The following EVL variants were observed in gnomAD, a reference collection of about 807,000 sequenced individuals.
The protein encoded by EVL is Enah/Vasp-like.
A neutral mutation model predicts 59.6 loss-of-function variants in EVL; 21 were observed. The observed-to-expected ratio is 0.35, with a 90% CI of 0.25 to 0.51. The LOEUF is 0.51. Among genes scored for constraint, EVL ranks in the 20% least tolerant of loss-of-function variants. The probability of loss-of-function intolerance (pLI) is 0.97; values close to 1 mark genes in which losing one functional copy is unlikely to be tolerated. For missense variants in EVL, 462 were observed against 546.6 expected, an observed-to-expected ratio of 0.85 and a Z score of 1.54; for synonymous variants, 198 against 203.5, an observed-to-expected ratio of 0.97 and a Z score of 0.23.
intron 1 of EVL, among the ~76,000 whole-genome samples, chr14:100,000,952 G>A (rs1383843525): frequency 6.6e-6 from 1 of 151,992 alleles, no homozygotes; most frequent in Non-Finnish European, 1.5e-5. Context: ...AGACAGGTAG[G>A]TCCTGAGTTA....
At chr14:100,141,576 C>T (rs1480978403) in intron 12 of EVL, among the ~76,000 whole-genome samples, 160 bp from the exon 13 acceptor site, 3 of 152,224 alleles carry the variant, frequency 2.0e-5, no homozygotes, top group Admixed American at 1.3e-4. Flanking sequence ...CCCATGCCGT[C>T]CCCCCTCAGC....
intron 13 of EVL, among the ~76,000 whole-genome samples, chr14:100,143,139 G>A (rs185329442): frequency 6.6e-6 from 1 of 152,160 alleles, no homozygotes; most frequent in Non-Finnish European, 1.5e-5. Context: ...CCGGGGGTTG[G>A]AGCACTAGCT....
At chr14:100,024,668 C>G (rs558897257) in intron 1 of EVL, among the ~76,000 whole-genome samples, 4 of 152,270 alleles carry the variant, frequency 2.6e-5, no homozygotes, top group African/African-American at 4.8e-5. Context: ...CTGGATTGCC[C>G]TGCCCCCAGG....
At chr14:99,983,679 C>T in intron 1 of EVL, among the ~76,000 whole-genome samples, 1 of 152,156 alleles carries the variant, frequency 6.6e-6, no homozygotes, top group East Asian at 1.9e-4. Flanking sequence ...CCTTCTCTCT[C>T]AAAGAATTCT....
chr14:100,066,026 T>C (rs920940936), intron 1 of EVL, among the ~76,000 whole-genome samples: 2 of 152,186 alleles, frequency 1.3e-5, no homozygotes, highest in African/African-American at 4.8e-5. Context: ...TGAGCACATG[T>C]GTGAATACCA....
At chr14:100,016,078 C>CAA (rs756318037) in intron 1 of EVL, among the ~76,000 whole-genome samples, 3 of 90,106 alleles carry the variant, frequency 3.3e-5, no homozygotes, top group South Asian at 3.4e-4. Flanking sequence ...GACTCTGTCT[C>CAA]AAAAAAAAAA....
intron 1 of EVL, among the ~76,000 whole-genome samples, chr14:100,016,414 A>G (rs1018064361): frequency 6.6e-6 from 1 of 152,110 alleles, no homozygotes; most frequent in African/African-American, 2.4e-5. Context: ...CTGTAATACC[A>G]GTTACTCGGG....
intron 13 of EVL, among the ~76,000 whole-genome samples, chr14:100,142,662 CCCCAGCCGG>C (rs1889260028): frequency 6.6e-6 from 1 of 152,142 alleles, no homozygotes; most frequent in African/African-American, 2.4e-5. Flanking sequence ...AGGCCTCCTC[CCCCAGCCGG>C]CCCACCCTTG....
intron 3 of EVL, among the ~76,000 whole-genome samples, chr14:100,120,271 A>G (rs1374740492): frequency 6.6e-6 from 1 of 152,046 alleles, no homozygotes; most frequent in Non-Finnish European, 1.5e-5. Context: ...ACTTTTCCCC[A>G]AGGGTGAGTG....
chr14:99,981,689 C>T (rs911972633), intron 1 of EVL, among the ~76,000 whole-genome samples: 78 of 152,120 alleles, frequency 5.1e-4, no homozygotes, highest in African/African-American at 1.8e-3. Flanking sequence ...TTACACTATA[C>T]CATAGTCTGT....
At chr14:99,979,984 TTATA>T (rs1251870570) in intron 1 of EVL, among the ~76,000 whole-genome samples, 1 of 152,244 alleles carries the variant, frequency 6.6e-6, no homozygotes, top group Non-Finnish European at 1.5e-5. Flanking sequence ...TAACAACTAT[TTATA>T]TAGCATTTGC....
At chr14:100,020,464 TGTGTGTGTGTGTGCAC>T (rs1566971068) in intron 1 of EVL, among the ~76,000 whole-genome samples, 12 of 144,494 alleles carry the variant, frequency 8.3e-5, no homozygotes, top group African/African-American at 2.9e-4. Flanking sequence ...TGGAAGAGAG[TGTGTGTGTGTGTGCAC>T]GCACACACAC....
chr14:99,993,825 G>T (rs1354223395), intron 1 of EVL, among the ~76,000 whole-genome samples: 1 of 150,950 alleles, frequency 6.6e-6, no homozygotes, highest in Non-Finnish European at 1.5e-5. Context: ...CCAAGTAGCT[G>T]GGATTACAGG....
intron 1 of EVL, among the ~76,000 whole-genome samples, chr14:100,017,966 C>G (rs2140198006): frequency 6.6e-6 from 1 of 152,346 alleles, no homozygotes; most frequent in South Asian, 2.1e-4. Flanking sequence ...TCCCAGAGCA[C>G]CTTCGTGCGA....
intron 1 of EVL, among the ~76,000 whole-genome samples, chr14:100,040,602 G>A (rs570490490): frequency 6.6e-6 from 1 of 152,244 alleles, no homozygotes; most frequent in South Asian, 2.1e-4. Context: ...TATCTCCCCA[G>A]TCTGCACCAA....
chr14:99,997,431 G>A (rs1036670710), intron 1 of EVL, among the ~76,000 whole-genome samples: 4 of 152,258 alleles, frequency 2.6e-5, no homozygotes, highest in Non-Finnish European at 4.4e-5. Flanking sequence ...CAGGTCACAA[G>A]ATTAAGGTGT....
At chr14:100,048,768 A>G (rs533146485) in intron 1 of EVL, among the ~76,000 whole-genome samples, 2 of 152,306 alleles carry the variant, frequency 1.3e-5, no homozygotes, top group Admixed American at 1.3e-4. Context: ...AAAAAACACT[A>G]ATTATTAACT....
intron 3 of EVL, among the ~76,000 whole-genome samples, chr14:100,122,955 C>T (rs1013130057): frequency 6.6e-6 from 1 of 152,206 alleles, no homozygotes; most frequent in Non-Finnish European, 1.5e-5. Flanking sequence ...GGCTCCTTCC[C>T]ACCCGCAGCT....
chr14:99,983,910 T>C (rs1269787062), intron 1 of EVL, among the ~76,000 whole-genome samples: 2 of 152,160 alleles, frequency 1.3e-5, no homozygotes, highest in African/African-American at 4.8e-5. Context: ...TATATGTATG[T>C]AATTACTTAA....
Sources: gnomAD v4.1 joint callset for allele counts (sites outside exome capture counted in the v4.1 genomes callset) on GRCh38, gnomAD v4.1.1 for gene constraint, MANE v1.5 for transcripts, NCBI Gene and HGNC (gene_info 2026-07-23, HGNC 2026-07-21) for gene names.